Variants in UBE2W observed in about 807,000 individuals in gnomAD.
UBE2W encodes ubiquitin conjugating enzyme E2 W.
In UBE2W, 18 loss-of-function variants were observed where a neutral mutation model predicts 27.2. That is an observed-to-expected ratio of 0.66 (90% confidence interval 0.46 to 0.98). The LOEUF (loss-of-function observed/expected upper bound fraction) is 0.98. Among genes scored for constraint, UBE2W ranks in the 50% least tolerant of loss-of-function variants. The pLI is 0.00. For missense variants in UBE2W, 90 were observed against 180.2 expected (o/e 0.50, Z 2.87); for synonymous variants, 53 against 57.2 (o/e 0.93, Z 0.33).
At chr8:73,814,681 G>C (rs959897236) in intron 3 of UBE2W, among the ~76,000 whole-genome samples, 2 of 152,138 alleles carry the variant, frequency 1.3e-5, no homozygotes, top group African/African-American at 2.4e-5. Flanking sequence ...ACCACGCCTG[G>C]CTAATTTTTT....
chr8:73,804,788 T>C (rs567771531), intron 5 of UBE2W, among the ~76,000 whole-genome samples: 5 of 151,340 alleles, frequency 3.3e-5, no homozygotes, highest in Admixed American at 2.6e-4. Context: ...TGGAGTAGAG[T>C]AGCGTGATCT....
chr8:73,805,033 T>C (rs1224740889), intron 5 of UBE2W, among the ~76,000 whole-genome samples: 1 of 152,028 alleles, frequency 6.6e-6, no homozygotes, highest in African/African-American at 2.4e-5. Context: ...TCCCAGTAAA[T>C]AGTTCTAATT....
chr8:73,785,550 A>T (rs1482879286), downstream of UBE2W, among the ~76,000 whole-genome samples: 9 of 152,118 alleles, frequency 5.9e-5, no homozygotes, highest in African/African-American at 1.7e-4. Context: ...CATCGCCCAG[A>T]TAGCGAACAC....
intron 1 of UBE2W, among the ~76,000 whole-genome samples, chr8:73,861,360 T>C (rs7813703): frequency 0.057 from 8,652 of 152,186 alleles, 810 homozygotes; most frequent in African/African-American, 0.19. Context: ...GCAATAATAA[T>C]GACCCCAATG....
chr8:73,788,132 A>G lies in UBE2W; in HGVS notation c.*5970T>C, dbSNP rs142314987. On this transcript the variant is annotated 3_prime_UTR_variant, in exon 6 of 6. Transcript: ENST00000602593. ...TATTCAAGTCTACAGAAAAAATCCA[A>G]TAACAACTGCTTTATTATTAAAAGT... 58 of 982,820 alleles carry G rather than the reference A, an allele frequency of 5.9e-5. No individual in the cohort carries two copies. The East Asian group carries it at 1.8e-3, about 31-fold the overall frequency. 60.9% of individuals were successfully genotyped at this position (982,820 alleles called of 1,614,324 possible).
intron 3 of UBE2W, among the ~76,000 whole-genome samples, chr8:73,819,591 T>C (rs766002221): frequency 2.6e-5 from 4 of 152,174 alleles, no homozygotes; most frequent in African/African-American, 7.2e-5. Flanking sequence ...AATATGTACA[T>C]AGAAAGCTAT....
intron 1 of UBE2W, among the ~76,000 whole-genome samples, chr8:73,844,323 T>C (rs1810675927): frequency 6.6e-6 from 1 of 152,108 alleles, no homozygotes; most frequent in Non-Finnish European, 1.5e-5. Flanking sequence ...GGTTTTCGTA[T>C]CTTTTGGTGG....
intron 1 of UBE2W, among the ~76,000 whole-genome samples, chr8:73,843,381 C>T (rs551576810): frequency 1.3e-5 from 2 of 152,154 alleles, no homozygotes; most frequent in Admixed American, 6.5e-5. Flanking sequence ...GCCTGTAATC[C>T]AAACACTTTG....
intron 1 of UBE2W, among the ~76,000 whole-genome samples, chr8:73,877,865 A>G (rs1284196106): frequency 1.3e-5 from 2 of 152,172 alleles, no homozygotes; most frequent in East Asian, 1.9e-4. Flanking sequence ...AAAAACCCAC[A>G]ACTCCCTAGA....
Position 73,793,980 on chromosome 8 carries a change from G to A in UBE2W, c.*122C>T. 1.3e-6 allele frequency: 2 copies of A among 1,520,528 alleles called. No homozygotes were observed. Among genetic ancestry groups the A allele is most frequent in the Non-Finnish European group, 1.8e-6 (2 of 1,134,418 alleles). 94.2% of individuals were successfully genotyped at this position (1,520,528 alleles called of 1,614,324 possible). On this transcript the variant is annotated 3_prime_UTR_variant, in exon 6 of 6. Transcript: ENST00000602593. ...CACACGAGTAAAAATGCAGTAAAAG[G>A]AAGTAGTCTTCATTGCCTATAGGTC... is the stretch of plus-strand genomic sequence containing the variant.
intron 1 of UBE2W, among the ~76,000 whole-genome samples, chr8:73,843,488 C>T (rs537277180): frequency 1.1e-4 from 17 of 152,072 alleles, no homozygotes; most frequent in African/African-American, 3.9e-4. Context: ...AAAAAATTTG[C>T]CCGGCATGGT....
At chr8:73,799,328 C>A (rs1383533264) in intron 5 of UBE2W, among the ~76,000 whole-genome samples, 1 of 151,932 alleles carries the variant, frequency 6.6e-6, no homozygotes, top group Non-Finnish European at 1.5e-5. Context: ...GGGATTCTAA[C>A]TAATAATGTA....
chr8:73,786,083 T>C (rs1807945264), downstream of UBE2W: 4 of 494,802 alleles, frequency 8.1e-6, no homozygotes, highest in South Asian at 3.5e-4. Flanking sequence ...TGCTGGTTTT[T>C]AAACTCTATG....
At chr8:73,855,494 C>T (rs11985000) in intron 1 of UBE2W, among the ~76,000 whole-genome samples, 14 of 149,406 alleles carry the variant, frequency 9.4e-5, no homozygotes, top group East Asian at 2.0e-4. Context: ...CTCCGCCTCA[C>T]GGGTTCAAGC....
intron 1 of UBE2W, among the ~76,000 whole-genome samples, chr8:73,841,017 T>TA (rs1297174021): frequency 6.6e-6 from 1 of 152,084 alleles, no homozygotes; most frequent in Non-Finnish European, 1.5e-5. Context: ...GAAAAAACAT[T>TA]AAAAAATGTG....
At chr8:73,800,887 G>A (rs1175331708) in intron 5 of UBE2W, among the ~76,000 whole-genome samples, 1 of 152,142 alleles carries the variant, frequency 6.6e-6, no homozygotes, top group Non-Finnish European at 1.5e-5. Context: ...GAGGTTGGGA[G>A]TTCAAGACCA....
intron 1 of UBE2W, among the ~76,000 whole-genome samples, chr8:73,844,408 C>G (rs902367594): frequency 5.3e-4 from 80 of 152,346 alleles, no homozygotes; most frequent in African/African-American, 1.8e-3. Flanking sequence ...CTCGGCCTCC[C>G]GAGGTGCCGG....
chr8:73,818,994 G>A (rs987466067), intron 3 of UBE2W, among the ~76,000 whole-genome samples: 3 of 152,076 alleles, frequency 2.0e-5, no homozygotes, highest in African/African-American at 4.8e-5. Flanking sequence ...CTAATACACT[G>A]ACCTAAGCCT....
Position 73,858,979 on chromosome 8 carries a change from C to CGTGT in UBE2W, c.15+19825_15+19828dup, listed in dbSNP as rs59095956. Among the ~76,000 whole-genome samples the CGTGT allele has an allele frequency of 4.0e-3, 509 of 126,006 alleles. 3 individuals carry two copies. Among genetic ancestry groups the CGTGT allele is most frequent in the African/African-American group, 6.5e-3 (218 of 33,662 alleles). The allele number at this position is 126,006 out of a possible 152,430, so 82.7% of individuals were successfully genotyped here. A position where few individuals can be genotyped will look rare whatever the true frequency, so the allele number is the denominator to read the frequency against. ...TTTCTTCAAGCACAGGGGGTTTTTG[C>CGTGT]GTGTGTGTGTGTGTGTGTGTGTGTG... On this transcript the variant is annotated intron_variant, in intron 1 of 5. Transcript: ENST00000602593.
Sources: allele counts gnomAD v4.1 joint callset (sites outside exome capture counted in the v4.1 genomes callset), GRCh38; gene constraint gnomAD v4.1.1; transcripts MANE v1.5; gene names NCBI Gene and HGNC (gene_info 2026-07-23, HGNC 2026-07-21).